AOX1: variants seen among roughly 807,000 people sequenced by gnomAD.
AOX1 encodes the protein aldehyde oxidase 1.
In AOX1, 153 loss-of-function variants were observed where a neutral mutation model predicts 169.5. That is an observed-to-expected ratio of 0.90 (90% confidence interval 0.79 to 1.03). The LOEUF (loss-of-function observed/expected upper bound fraction) is 1.03. Among genes scored for constraint, AOX1 ranks in the 50% least tolerant of loss-of-function variants. AOX1 has a pLI of 0.00. For missense variants in AOX1, 1,656 were observed against 1,663.9 expected (o/e 1.00, Z 0.08); for synonymous variants, 562 against 581.9 (o/e 0.97, Z 0.49).
intron 5 of AOX1, among the ~76,000 whole-genome samples, chr2:200,600,115 C>T (rs1020949970): frequency 6.6e-6 from 1 of 152,146 alleles, no homozygotes; most frequent in Non-Finnish European, 1.5e-5. Flanking sequence ...GTGATTTGTT[C>T]AAAGTTACAC....
At chr2:200,641,338 A>G (rs2035348485) in intron 24 of AOX1, among the ~76,000 whole-genome samples, 154 bp downstream of exon 24, 1 of 152,156 alleles carries the variant, frequency 6.6e-6, no homozygotes, top group Non-Finnish European at 1.5e-5. Context: ...CTGGTGCCCA[A>G]AGTGTGAGCC....
chr2:200,599,561 T>G, intron 4 of AOX1, 59 bp from the exon 5 acceptor site: 4 of 1,378,930 alleles, frequency 2.9e-6, no homozygotes, highest in Non-Finnish European at 4.0e-6. Flanking sequence ...CAGGCTCTAA[T>G]TCATTAGGCC....
intron 16 of AOX1, among the ~76,000 whole-genome samples, chr2:200,620,273 G>A (rs146255366): frequency 0.01 from 1,551 of 148,658 alleles, 30 homozygotes; most frequent in African/African-American, 0.037. Context: ...ATCTTGGCTC[G>A]CTGCAACCTC....
intron 23 of AOX1, among the ~76,000 whole-genome samples, chr2:200,638,638 AAGT>A (rs1312281533): frequency 2.6e-5 from 4 of 152,208 alleles, no homozygotes; most frequent in African/African-American, 4.8e-5. Flanking sequence ...AAAGAGGTAA[AAGT>A]AGAATAATTC....
At position 200,609,080 on chromosome 2, in the gene AOX1, A is replaced by G. The variant is rs571143352; in HGVS notation, c.1004A>G (p.His335Arg). ...CCAGAGGAGAAGACACAGATGTACC[A>G]TGCTCTCCTGAAGCATTTGGGAACT... ...KLPEEKTQMY[H>R]ALLKHLGTLA... Residue 335 changes from histidine (H) to arginine (R), a missense_variant, in exon 11 of 35, where the codon CAT (histidine) becomes CGT (arginine). His to Arg is a conservative substitution (Grantham distance 29). Transcript: ENST00000374700. 1.2e-5 allele frequency: 20 copies of G among 1,614,060 alleles called. No homozygotes were observed. The highest frequency in any genetic ancestry group is 2.2e-5 in the East Asian group (1 of 44,874).
rs553925341 is a variant in AOX1 at position 200,624,250 on chromosome 2, T to C, written c.2124+267T>C. Among the ~76,000 whole-genome samples the C allele has an allele frequency of 1.5e-4, 23 of 152,316 alleles. 1 individual carries two copies. In the South Asian group the frequency reaches 4.8e-3, roughly 32 times the overall value. The stretch of plus-strand genomic sequence containing the variant: ...GACAACCTGGACTTCCTTGTTCATG[T>C]TCAAGGAGTAAGAGGAACCCTATTG... On this transcript the variant is annotated intron_variant, in intron 19 of 34. Coordinates refer to ENST00000374700, the MANE Select transcript of AOX1 (RefSeq NM_001159.4).
At chr2:200,659,965 G>A (rs772321076) in intron 28 of AOX1, 30 bp from the exon 29 acceptor site, 3 of 1,544,702 alleles carry the variant, frequency 1.9e-6, no homozygotes, top group South Asian at 1.1e-5. Context: ...GAAATTAGGA[G>A]CATAATTTTA....
At chr2:200,666,867 T>C (rs547436640) in intron 32 of AOX1, 115 bp downstream of exon 32, 188 of 633,880 alleles carry the variant, frequency 3.0e-4, no homozygotes, top group Non-Finnish European at 4.8e-4. Context: ...AACCCTTTAG[T>C]CAACTCTATT....
At chr2:200,652,831 A>G (rs1318984243) in intron 26 of AOX1, among the ~76,000 whole-genome samples, 1 of 152,192 alleles carries the variant, frequency 6.6e-6, no homozygotes, top group Admixed American at 6.5e-5. Context: ...TTGGGAGGCC[A>G]AGACAGGAGA....
intron 18 of AOX1, among the ~76,000 whole-genome samples, chr2:200,622,091 T>G (rs1005973370): frequency 4.6e-5 from 7 of 152,216 alleles, no homozygotes; most frequent in Admixed American, 4.6e-4. Context: ...TGATGTCTGG[T>G]CACCATAGCT....
chr2:200,674,834 C>T (rs1336767971), downstream of AOX1, among the ~76,000 whole-genome samples: 1 of 152,196 alleles, frequency 6.6e-6, no homozygotes, highest in African/African-American at 2.4e-5. Context: ...CCTTTCCATT[C>T]GGGAAGGGGC....
intron 12 of AOX1, 88 bp from the exon 13 acceptor site, chr2:200,611,296 A>T: frequency 1.1e-6 from 1 of 878,144 alleles, no homozygotes; most frequent in Non-Finnish European, 1.9e-6. Flanking sequence ...CGGTTTCCTC[A>T]GGTATTTGGT....
In AOX1 at chr2:200,604,777, G is replaced by A. The variant is rs549510417; in HGVS notation, c.751G>A (p.Glu251Lys). Residue 251 changes from glutamate to lysine, a missense_variant, in exon 9 of 35, where the codon GAA becomes AAA. Physicochemically the swap from Glu to Lys is moderately conservative, Grantham distance 56. Coordinates refer to ENST00000374700, the MANE Select transcript of AOX1 (RefSeq NM_001159.4). ...GTGGTTTTCCCCCGTGACCCTGAAG[G>A]AACTGCTGGAATTTAAATTCAAGTA... The part of the protein sequence containing the change: ...MMWFSPVTLK[E>K]LLEFKFKYPQ... 1.2e-6 allele frequency: 2 copies of A among 1,613,932 alleles called. No homozygotes were observed. The highest frequency in any genetic ancestry group is 2.7e-5 in the African/African-American group (2 of 74,978).
chr2:200,588,628 T>G (rs984661664), intron 1 of AOX1, among the ~76,000 whole-genome samples: 5 of 152,004 alleles, frequency 3.3e-5, no homozygotes, highest in African/African-American at 1.2e-4. Flanking sequence ...TGTGTTAATC[T>G]TTCCCTTTCC....
chr2:200,640,522 C>A (rs549589908), intron 23 of AOX1, among the ~76,000 whole-genome samples: 90 of 152,288 alleles, frequency 5.9e-4, no homozygotes, highest in African/African-American at 2.1e-3. Context: ...TGGTGAAAAT[C>A]TTGGCAAAAT....
chr2:200,662,856 G>A lies in AOX1; in HGVS notation c.3430G>A (p.Gly1144Ser), dbSNP rs765053435. The change falls in exon 31 of 35, where the codon GGT becomes AGT. Residue 1144 changes from glycine (G) to serine (S), a missense_variant and splice_region_variant. Physicochemically the swap from Gly to Ser is moderately conservative, Grantham distance 56. Transcript: ENST00000374700. ...INLSAVGYFR[G>S]YESDMNWEKG... ...AACAACACTCACTGTTTCTTCCAGA[G>A]GTTATGAGTCAGACATGAACTGGGA... The A allele has an allele frequency of 1.9e-6, 3 of 1,613,070 alleles. No individual in the cohort carries two copies. The highest frequency in any genetic ancestry group is 4.5e-5 in the East Asian group (2 of 44,876).
chr2:200,592,754 T>A (rs940758374), intron 1 of AOX1, among the ~76,000 whole-genome samples: 3 of 152,218 alleles, frequency 2.0e-5, no homozygotes, highest in African/African-American at 7.2e-5. Context: ...GAGGCTATTC[T>A]ATTCCAGCAA....
intron 10 of AOX1, among the ~76,000 whole-genome samples, chr2:200,606,598 T>G (rs540522013): frequency 2.0e-5 from 3 of 152,242 alleles, no homozygotes; most frequent in Non-Finnish European, 4.4e-5. Flanking sequence ...ATGGTATTGA[T>G]TCTTCCTATC....
intron 19 of AOX1, among the ~76,000 whole-genome samples, chr2:200,624,711 A>G (rs1454714002): frequency 1.3e-5 from 2 of 152,200 alleles, no homozygotes; most frequent in East Asian, 3.8e-4. Context: ...CCTGATTTTT[A>G]GAAAGGAGTT....
Sources: gnomAD v4.1 joint callset for allele counts (sites outside exome capture counted in the v4.1 genomes callset) on GRCh38, gnomAD v4.1.1 for gene constraint, MANE v1.5 for transcripts, NCBI Gene and HGNC (gene_info 2026-07-23, HGNC 2026-07-21) for gene names.